Variants in FOXJ3 observed in about 807,000 individuals in gnomAD.
FOXJ3 encodes the protein forkhead box protein J3.
FOXJ3 carries 22 observed loss-of-function variants against 76.1 expected under a neutral mutation model. The observed-to-expected ratio is 0.29, with a 90% confidence interval of 0.21 to 0.41. FOXJ3 has a LOEUF of 0.41. FOXJ3 is among the 10% of genes least tolerant of loss of function. The pLI is 1.00. For missense variants in FOXJ3, 613 were observed against 762.1 expected (o/e 0.80, Z 2.30); for synonymous variants, 269 against 261.2 (o/e 1.03, Z -0.29).
chr1:42,198,870 T>C (rs1428103228), intron 7 of FOXJ3, among the ~76,000 whole-genome samples: 1 of 152,220 alleles, frequency 6.6e-6, no homozygotes, highest in Non-Finnish European at 1.5e-5. Flanking sequence ...CAGAATAAAG[T>C]AGACCAAAAT....
chr1:42,259,100 T>C (rs1650835209), intron 4 of FOXJ3, among the ~76,000 whole-genome samples: 1 of 152,180 alleles, frequency 6.6e-6, no homozygotes, highest in African/African-American at 2.4e-5. Flanking sequence ...CACAACGACA[T>C]GGATAGCTCT....
intron 4 of FOXJ3, among the ~76,000 whole-genome samples, chr1:42,262,067 T>G (rs143650343): frequency 1.3e-5 from 2 of 152,158 alleles, no homozygotes; most frequent in African/African-American, 4.8e-5. Flanking sequence ...AGGCCTACTC[T>G]CTCTGTTAAG....
intron 2 of FOXJ3, among the ~76,000 whole-genome samples, chr1:42,301,101 T>C (rs1325578048): frequency 6.6e-6 from 1 of 152,218 alleles, no homozygotes; most frequent in Non-Finnish European, 1.5e-5. Context: ...CTTCCTGAAA[T>C]AGCTTTTCTA....
At chr1:42,308,504 CCT>C (rs764584411) in intron 2 of FOXJ3, among the ~76,000 whole-genome samples, 11 of 152,066 alleles carry the variant, frequency 7.2e-5, no homozygotes, top group Non-Finnish European at 1.2e-4. Flanking sequence ...GAATGAGATT[CCT>C]CTGTTTCAGA....
chr1:42,200,934 TTTACAGTAGTCTTC>T (rs1646752664), intron 6 of FOXJ3, among the ~76,000 whole-genome samples: 1 of 152,220 alleles, frequency 6.6e-6, no homozygotes, highest in Admixed American at 6.5e-5. Flanking sequence ...AACTGTCTTC[TTTACAGTAGTCTTC>T]TGCATGAACA....
intron 8 of FOXJ3, among the ~76,000 whole-genome samples, chr1:42,192,841 A>T (rs1646577883): frequency 6.6e-6 from 1 of 152,106 alleles, no homozygotes; most frequent in Admixed American, 6.5e-5. Flanking sequence ...TCTATTTGTC[A>T]TTAGTAGTAA....
intron 3 of FOXJ3, among the ~76,000 whole-genome samples, chr1:42,274,771 A>G (rs567328235): frequency 4.0e-4 from 61 of 152,150 alleles, no homozygotes; most frequent in Non-Finnish European, 7.3e-4. Context: ...CTCTAAGTTT[A>G]TAATACTGTT....
At chr1:42,208,218 T>C (rs1431255936) in intron 5 of FOXJ3, among the ~76,000 whole-genome samples, 1 of 152,232 alleles carries the variant, frequency 6.6e-6, no homozygotes, top group Non-Finnish European at 1.5e-5. Context: ...CTGGCCACTA[T>C]GATGACCACT....
chr1:42,180,265 AAG>A (rs1320637235), intron 12 of FOXJ3, among the ~76,000 whole-genome samples: 4 of 152,308 alleles, frequency 2.6e-5, no homozygotes, highest in African/African-American at 9.6e-5. Context: ...TTTCCCCAGC[AAG>A]CTAATTTCTG....
At chr1:42,334,593 G>C (rs570266203) in intron 1 of FOXJ3, among the ~76,000 whole-genome samples, 1 of 152,250 alleles carries the variant, frequency 6.6e-6, no homozygotes, top group Non-Finnish European at 1.5e-5. Flanking sequence ...GCCACTCCAA[G>C]GCGTGAGGTA....
chr1:42,193,926 T>G (rs1274260657), intron 8 of FOXJ3, among the ~76,000 whole-genome samples: 1 of 152,184 alleles, frequency 6.6e-6, no homozygotes, highest in Non-Finnish European at 1.5e-5. Flanking sequence ...TGCCCTTCCA[T>G]GTCGTCTGCC....
At chr1:42,297,057 GGTGT>G (rs1053918596) in intron 2 of FOXJ3, among the ~76,000 whole-genome samples, 1 of 151,516 alleles carries the variant, frequency 6.6e-6, no homozygotes, top group South Asian at 2.1e-4. Flanking sequence ...TGCGGGTGTG[GGTGT>G]GTGTGTGTGT....
intron 4 of FOXJ3, among the ~76,000 whole-genome samples, chr1:42,233,946 C>T (rs1648366119): frequency 6.6e-6 from 1 of 151,968 alleles, no homozygotes; most frequent in East Asian, 1.9e-4. Flanking sequence ...ATAGACAGCT[C>T]TTATTATTTT....
intron 3 of FOXJ3, among the ~76,000 whole-genome samples, chr1:42,272,709 G>A (rs953731576): frequency 2.6e-5 from 4 of 152,202 alleles, no homozygotes; most frequent in African/African-American, 9.6e-5. Flanking sequence ...AGGAGTATCA[G>A]CAGAATGGAT....
rs901343850 is a variant in FOXJ3, at chr1:42,231,752, G to A, written c.445-3786C>T. Among the ~76,000 whole-genome samples the A allele has an allele frequency of 7.9e-5, 12 of 152,012 alleles. No homozygotes were observed. In the South Asian group the frequency reaches 1.9e-3, roughly 24 times the overall value. On this transcript the variant is annotated intron_variant, in intron 4 of 12. Coordinates refer to ENST00000361346, the MANE Select transcript of FOXJ3 (RefSeq NM_014947.5). ...TGACCTCCAAAGCTGAAGTGATCCC[G>A]AGCCCCACAAGTAGCTGAGACCACA...
chr1:42,205,157 GT>G (rs1646837343), intron 6 of FOXJ3, among the ~76,000 whole-genome samples: 1 of 152,042 alleles, frequency 6.6e-6, no homozygotes, highest in African/African-American at 2.4e-5. Context: ...TCTTTTTAGG[GT>G]TTTGAGATGT....
At chr1:42,311,968 C>T (rs1026827887) in intron 1 of FOXJ3, among the ~76,000 whole-genome samples, 2 of 152,138 alleles carry the variant, frequency 1.3e-5, no homozygotes, top group Non-Finnish European at 2.9e-5. Flanking sequence ...AACGATGATT[C>T]ACAAATGCCT....
chr1:42,248,600 T>C (rs1649741199), intron 4 of FOXJ3, among the ~76,000 whole-genome samples: 1 of 151,998 alleles, frequency 6.6e-6, no homozygotes. Context: ...AAACATTTTT[T>C]TGATCTAAGA....
chr1:42,328,676 ATTT>A (rs35507698), intron 1 of FOXJ3, among the ~76,000 whole-genome samples: 376 of 115,090 alleles, frequency 3.3e-3, no homozygotes, highest in South Asian at 5.9e-3. Flanking sequence ...TACTTATCCT[ATTT>A]TTTTTTTTTT....
Sources: gnomAD v4.1 joint callset for allele counts (sites outside exome capture counted in the v4.1 genomes callset) on GRCh38, gnomAD v4.1.1 for gene constraint, MANE v1.5 for transcripts, NCBI Gene and HGNC (gene_info 2026-07-23, HGNC 2026-07-21) for gene names.